The following SLC39A11 variants were observed in gnomAD, a reference collection of about 807,000 sequenced individuals.
SLC39A11 encodes zinc transporter ZIP11.
A neutral mutation model predicts 36.1 loss-of-function variants in SLC39A11; 33 were observed. The ratio of observed to expected loss-of-function variants is 0.91; its 90% confidence interval spans 0.69 to 1.22. The LOEUF is 1.22. Among genes scored for constraint, SLC39A11 ranks in the 50% most tolerant of loss-of-function variants. The pLI, the probability that SLC39A11 is intolerant of heterozygous loss-of-function variation, is 0.00. For missense variants in SLC39A11, 432 were observed against 430.3 expected (o/e 1.00, Z -0.03); for synonymous variants, 166 against 170.3 (o/e 0.97, Z 0.20).
intron 6 of SLC39A11, among the ~76,000 whole-genome samples, chr17:72,753,075 C>T (rs2075215765): frequency 6.6e-6 from 1 of 152,030 alleles, no homozygotes; most frequent in Admixed American, 6.6e-5. Context: ...CCAGGCTGGT[C>T]TCGAACTCCT....
At chr17:73,040,974 G>T (rs989798448) in intron 3 of SLC39A11, among the ~76,000 whole-genome samples, 2 of 128,588 alleles carry the variant, frequency 1.6e-5, no homozygotes, top group Admixed American at 1.9e-4. Context: ...AACAGAGTCA[G>T]ACTCCATCTC....
chr17:73,041,865 C>T (rs2059122022), intron 3 of SLC39A11, among the ~76,000 whole-genome samples: 1 of 152,198 alleles, frequency 6.6e-6, no homozygotes. Context: ...AACAAAATCC[C>T]TGTTTCCCTC....
intron 7 of SLC39A11, among the ~76,000 whole-genome samples, chr17:72,676,137 T>C (rs973532818): frequency 2.0e-5 from 3 of 151,504 alleles, no homozygotes; most frequent in African/African-American, 7.3e-5. Context: ...TTTTTTCAAA[T>C]AAAATGGTAA....
chr17:72,924,664 G>A (rs1434993566), intron 5 of SLC39A11, among the ~76,000 whole-genome samples: 2 of 152,018 alleles, frequency 1.3e-5, no homozygotes, highest in African/African-American at 2.4e-5. Context: ...AGGTGTGTCC[G>A]AACAGGATGA....
intron 7 of SLC39A11, among the ~76,000 whole-genome samples, chr17:72,690,847 C>T (rs935685146): frequency 2.0e-5 from 3 of 152,024 alleles, no homozygotes; most frequent in African/African-American, 7.3e-5. Context: ...CTGGTGTGCC[C>T]GAGACCAACA....
chr17:73,012,519 G>A (rs1399418074), intron 4 of SLC39A11, among the ~76,000 whole-genome samples: 16 of 148,568 alleles, frequency 1.1e-4, no homozygotes. Context: ...GGGTCAGATA[G>A]TATTTCCCAG....
chr17:72,728,242 T>C (rs1008592808), intron 7 of SLC39A11, among the ~76,000 whole-genome samples: 1 of 151,774 alleles, frequency 6.6e-6, no homozygotes, highest in Non-Finnish European at 1.5e-5. Flanking sequence ...AGCTTAGGAG[T>C]TGGAGGCCAG....
At chr17:72,756,286 T>A (rs9916455) in intron 6 of SLC39A11, among the ~76,000 whole-genome samples, 6,915 of 152,288 alleles carry the variant, frequency 0.045, 228 homozygotes, top group African/African-American at 0.1. Context: ...TCTGGATACA[T>A]CCGTCAAAGC....
At position 73,084,864 on chromosome 17, in the gene SLC39A11, A is replaced by G. The variant is rs529399529; in HGVS notation, c.109-18T>C. On this transcript the variant is annotated intron_variant, in intron 2 of 9. Coordinates refer to ENST00000255559, the MANE Select transcript of SLC39A11 (RefSeq NM_139177.4). Reference sequence around the variant, plus strand: ...ATCCGCCTCTGAAAATCAAAACAAGATGTTTCAGTTTCCAAGAGACAATAA... The same window carrying G: ...ATCCGCCTCTGAAAATCAAAACAAGGTGTTTCAGTTTCCAAGAGACAATAA... 16 of 1,613,876 alleles carry G rather than the reference A, an allele frequency of 9.9e-6. No individual in the cohort carries two copies. The African/African-American group carries it at 1.6e-4, about 16-fold the overall frequency.
intron 3 of SLC39A11, among the ~76,000 whole-genome samples, chr17:73,051,245 TTCTTA>T (rs1342681120): frequency 6.6e-6 from 1 of 152,126 alleles, no homozygotes; most frequent in Non-Finnish European, 1.5e-5. Context: ...TGTGTCCCTC[TTCTTA>T]TAAGGACACC....
intron 5 of SLC39A11, among the ~76,000 whole-genome samples, chr17:72,852,679 T>G (rs1298299097): frequency 6.6e-6 from 1 of 152,232 alleles, no homozygotes; most frequent in East Asian, 1.9e-4. Context: ...TGCACATGTG[T>G]GCACTTCTGT....
intron 5 of SLC39A11, among the ~76,000 whole-genome samples, chr17:72,868,437 C>A (rs2080420449): frequency 6.6e-6 from 1 of 151,844 alleles, no homozygotes. Context: ...TAGATGCCAA[C>A]TGCTAGAAAT....
intron 5 of SLC39A11, among the ~76,000 whole-genome samples, chr17:72,893,367 A>T (rs2081858956): frequency 6.6e-6 from 1 of 152,188 alleles, no homozygotes; most frequent in Non-Finnish European, 1.5e-5. Flanking sequence ...AGGCTGAGGC[A>T]GGAGAATTGC....
At chr17:72,981,813 C>A (rs1034189003) in intron 4 of SLC39A11, among the ~76,000 whole-genome samples, 2 of 150,672 alleles carry the variant, frequency 1.3e-5, no homozygotes, top group Non-Finnish European at 3.0e-5. Context: ...TTTCTGAATA[C>A]ACAAGGAGCT....
chr17:72,669,135 T>C (rs762475858), intron 7 of SLC39A11, among the ~76,000 whole-genome samples: 2 of 152,230 alleles, frequency 1.3e-5, no homozygotes, highest in Non-Finnish European at 2.9e-5. Flanking sequence ...ATTGTAGTTA[T>C]GCAGGAGAAT....
intron 6 of SLC39A11, among the ~76,000 whole-genome samples, chr17:72,766,571 T>G (rs2075768697): frequency 6.6e-6 from 1 of 152,226 alleles, no homozygotes; most frequent in Admixed American, 6.5e-5. Context: ...CACTGCTTCT[T>G]CTGCTAGTGG....
At chr17:72,716,224 G>A (rs2073356060) in intron 7 of SLC39A11, among the ~76,000 whole-genome samples, 1 of 152,030 alleles carries the variant, frequency 6.6e-6, no homozygotes, top group African/African-American at 2.4e-5. Context: ...ACTCCATTCT[G>A]GACAGAATGA....
chr17:72,725,056 C>T (rs1457358960), intron 7 of SLC39A11, among the ~76,000 whole-genome samples: 1 of 152,246 alleles, frequency 6.6e-6, no homozygotes, highest in Non-Finnish European at 1.5e-5. Context: ...CCTGGTCTGG[C>T]TTTGCCCATG....
intron 5 of SLC39A11, among the ~76,000 whole-genome samples, chr17:72,862,111 G>A (rs1195395997): frequency 2.6e-5 from 4 of 152,100 alleles, no homozygotes; most frequent in African/African-American, 9.7e-5. Context: ...TGAGTCAGGG[G>A]CCATTGCCTT....
Sources: gnomAD v4.1 joint callset for allele counts (sites outside exome capture counted in the v4.1 genomes callset) on GRCh38, gnomAD v4.1.1 for gene constraint, MANE v1.5 for transcripts, NCBI Gene and HGNC (gene_info 2026-07-23, HGNC 2026-07-21) for gene names.